IMMP2L: variants seen among roughly 807,000 people sequenced by gnomAD.
IMMP2L encodes the protein inner mitochondrial membrane peptidase subunit 2.
In IMMP2L, 18 loss-of-function variants were observed where a neutral mutation model predicts 19.3. The observed-to-expected ratio is 0.93, with a 90% CI of 0.64 to 1.38. IMMP2L has a LOEUF of 1.38. Ranked by LOEUF, IMMP2L falls within the 40% of genes most tolerant of loss-of-function variation. IMMP2L has a pLI of 0.00. For missense variants in IMMP2L, 233 were observed against 218.2 expected (o/e 1.07, Z -0.43); for synonymous variants, 76 against 73.0 (o/e 1.04, Z -0.21).
intron 3 of IMMP2L, among the ~76,000 whole-genome samples, chr7:111,259,068 G>A (rs983759437): frequency 5.9e-5 from 9 of 152,078 alleles, no homozygotes; most frequent in African/African-American, 1.9e-4. Flanking sequence ...GTAAGCAACT[G>A]TGACACAATA....
intron 3 of IMMP2L, among the ~76,000 whole-genome samples, chr7:111,338,536 A>G (rs1003427611): frequency 2.0e-5 from 3 of 152,148 alleles, no homozygotes; most frequent in African/African-American, 7.2e-5. Flanking sequence ...ACTTAATAGT[A>G]CAAGTTTATG....
At chr7:111,331,527 C>A (rs1286679069) in intron 3 of IMMP2L, among the ~76,000 whole-genome samples, 1 of 151,730 alleles carries the variant, frequency 6.6e-6, no homozygotes, top group African/African-American at 2.4e-5. Context: ...TAATAGAGTA[C>A]TGCACATCTT....
intron 5 of IMMP2L, among the ~76,000 whole-genome samples, chr7:110,801,177 G>C (rs1318431145): frequency 6.6e-6 from 1 of 151,986 alleles, no homozygotes; most frequent in African/African-American, 2.4e-5. Context: ...TTCTAGGTCT[G>C]ACTGGAAAGC....
intron 3 of IMMP2L, among the ~76,000 whole-genome samples, chr7:111,058,730 C>T (rs993031935): frequency 1.3e-5 from 2 of 152,112 alleles, no homozygotes; most frequent in Non-Finnish European, 2.9e-5. Flanking sequence ...ACCTACTCCA[C>T]CCTTAGAGAA....
intron 5 of IMMP2L, among the ~76,000 whole-genome samples, chr7:110,725,253 C>T (rs1336827529): frequency 6.6e-6 from 1 of 152,100 alleles, no homozygotes; most frequent in Admixed American, 6.6e-5. Context: ...GGAATCCAGG[C>T]TTTCATTTGG....
At chr7:111,008,238 C>T (rs1443228358) in intron 3 of IMMP2L, among the ~76,000 whole-genome samples, 2 of 152,042 alleles carry the variant, frequency 1.3e-5, no homozygotes, top group Non-Finnish European at 2.9e-5. Context: ...TAAGACCCTA[C>T]ATACTATGAC....
chr7:111,356,845 G>A (rs1392492812), intron 3 of IMMP2L, among the ~76,000 whole-genome samples: 4 of 151,996 alleles, frequency 2.6e-5, no homozygotes, highest in South Asian at 2.1e-4. Flanking sequence ...TGGCCAACAC[G>A]GTGAAACCCT....
chr7:111,025,325 G>T (rs1214846530), intron 3 of IMMP2L, among the ~76,000 whole-genome samples: 1 of 152,080 alleles, frequency 6.6e-6, no homozygotes, highest in African/African-American at 2.4e-5. Flanking sequence ...GATTAAATGA[G>T]AAAAAGTTTA....
chr7:111,460,835 G>A (rs1023335891), intron 3 of IMMP2L, among the ~76,000 whole-genome samples: 1 of 151,828 alleles, frequency 6.6e-6, no homozygotes, highest in Non-Finnish European at 1.5e-5. Context: ...TGAACCCCAG[G>A]CAAAAGGAAA....
At chr7:111,395,395 G>A (rs1183160841) in intron 3 of IMMP2L, among the ~76,000 whole-genome samples, 6 of 152,028 alleles carry the variant, frequency 3.9e-5, no homozygotes, top group Admixed American at 3.9e-4. Context: ...TTTTGTTCGT[G>A]TCTCCACACA....
intron 3 of IMMP2L, among the ~76,000 whole-genome samples, chr7:111,464,373 C>A (rs1840416948): frequency 6.6e-6 from 1 of 152,118 alleles, no homozygotes; most frequent in Non-Finnish European, 1.5e-5. Flanking sequence ...GTCACAGCTA[C>A]TTGGGAAGCT....
intron 5 of IMMP2L, among the ~76,000 whole-genome samples, chr7:110,843,405 G>A (rs890867456): frequency 1.3e-5 from 2 of 152,116 alleles, no homozygotes; most frequent in Non-Finnish European, 2.9e-5. Context: ...GAGGGGGCCA[G>A]TCAGTCAACA....
At chr7:111,517,447 C>CAAA (rs11438855) in intron 2 of IMMP2L, among the ~76,000 whole-genome samples, 3 of 140,480 alleles carry the variant, frequency 2.1e-5, no homozygotes, top group Non-Finnish European at 3.1e-5. Flanking sequence ...GTATCAATTG[C>CAAA]AAAAAAAAAA....
intron 5 of IMMP2L, among the ~76,000 whole-genome samples, chr7:110,762,786 G>T (rs1798429067): frequency 1.3e-5 from 2 of 151,982 alleles, no homozygotes; most frequent in African/African-American, 4.8e-5. Context: ...TCTTTTATAA[G>T]CAATACAATT....
chr7:110,968,999 T>G (rs190031383), intron 3 of IMMP2L, among the ~76,000 whole-genome samples: 12 of 152,156 alleles, frequency 7.9e-5, no homozygotes, highest in Admixed American at 7.2e-4. Context: ...AAAAGAATTT[T>G]CAGGTTCTCT....
intron 4 of IMMP2L, among the ~76,000 whole-genome samples, chr7:110,951,567 G>A (rs1161307004): frequency 2.6e-5 from 4 of 151,690 alleles, no homozygotes; most frequent in Non-Finnish European, 4.4e-5. Context: ...GTGTGTATGT[G>A]TGTGTGTGTA....
intron 3 of IMMP2L, among the ~76,000 whole-genome samples, chr7:111,071,435 A>G (rs189129607): frequency 6.6e-5 from 10 of 152,328 alleles, no homozygotes; most frequent in Non-Finnish European, 1.5e-5. Context: ...ATACATGCAC[A>G]TGAATGTTCA....
rs577080077 is a variant in IMMP2L at position 111,197,353 on chromosome 7, C to T, written c.240-233788G>A. On this transcript the variant is annotated intron_variant, in intron 3 of 5. Transcript: ENST00000405709. ...TGGCGGGCGCCTGTAGTCCCAGCTA[C>T]TCGGGAGGCTGAGGCAGGAGAACGG... 5.5e-3 allele frequency among the ~76,000 whole-genome samples: 842 copies of T among 152,168 alleles called. 4 individuals are homozygous for T. Among genetic ancestry groups the T allele is most frequent in the Middle Eastern group, 0.017 (5 of 294 alleles).
chr7:111,332,434 A>C (rs1253099069), intron 3 of IMMP2L, among the ~76,000 whole-genome samples: 1 of 152,046 alleles, frequency 6.6e-6, no homozygotes, highest in Non-Finnish European at 1.5e-5. Context: ...TAAATGTAAC[A>C]AAGAAGGACA....
Sources: allele counts gnomAD v4.1 joint callset (sites outside exome capture counted in the v4.1 genomes callset), GRCh38; gene constraint gnomAD v4.1.1; transcripts MANE v1.5; gene names NCBI Gene and HGNC (gene_info 2026-07-23, HGNC 2026-07-21).